The following RALA variants were observed in gnomAD, a reference collection of about 807,000 sequenced individuals.
RALA encodes the protein RAS like proto-oncogene A.
RALA carries 5 observed loss-of-function variants against 24.0 expected under a neutral mutation model. The observed-to-expected ratio is 0.21, with a 90% CI of 0.11 to 0.44. The LOEUF (loss-of-function observed/expected upper bound fraction) is 0.44. Among genes scored for constraint, RALA ranks in the 20% least tolerant of loss-of-function variants. RALA has a pLI of 0.99. For missense variants in RALA, 95 were observed against 241.2 expected, an observed-to-expected ratio of 0.39 and a Z score of 4.01; for synonymous variants, 77 against 83.8, an observed-to-expected ratio of 0.92 and a Z score of 0.44.
rs556085811 is a variant in RALA, at chr7:39,691,072, TG to T, written c.323+485del. Among the ~76,000 whole-genome samples the T allele has an allele frequency of 3.2e-3, 487 of 152,310 alleles. 3 individuals carry two copies. Among genetic ancestry groups the T allele is most frequent in the African/African-American group, 0.011 (474 of 41,572 alleles). ...TTTTTTGTTTCTTTTTCTTATTACA[TG>T]GGAACCTTCAGAATGAATGAATTTT... On this transcript the variant is annotated intron_variant, in intron 3 of 4. Coordinates refer to ENST00000005257, the MANE Select transcript of RALA (RefSeq NM_005402.4).
At chr7:39,638,324 T>G (rs1202278947) in intron 1 of RALA, among the ~76,000 whole-genome samples, 1 of 152,212 alleles carries the variant, frequency 6.6e-6, no homozygotes, top group East Asian at 1.9e-4. Flanking sequence ...GGGATCTTCA[T>G]AAATTTGCCC....
At chr7:39,689,744 T>G (rs1030352670) in intron 2 of RALA, among the ~76,000 whole-genome samples, 4 of 152,200 alleles carry the variant, frequency 2.6e-5, no homozygotes, top group Non-Finnish European at 4.4e-5. Context: ...TAGTAAGGCC[T>G]TGTCTGCGTA....
chr7:39,674,047 AAATAAATAAATAAATAAATAAAT>A (rs1562618715), intron 1 of RALA, among the ~76,000 whole-genome samples: 21 of 147,372 alleles, frequency 1.4e-4, no homozygotes, highest in Admixed American at 1.1e-3. Context: ...CACTGTAAAT[AAATAAATAAATAAATAAATAAAT>A]AAATAAATAA....
chr7:39,656,338 A>G (rs1201706273), intron 1 of RALA, among the ~76,000 whole-genome samples: 4 of 152,230 alleles, frequency 2.6e-5, no homozygotes, highest in African/African-American at 9.6e-5. Flanking sequence ...CTATTTCTCA[A>G]TTTAAAATCC....
intron 1 of RALA, among the ~76,000 whole-genome samples, chr7:39,678,116 C>T (rs1207002727): frequency 2.7e-5 from 4 of 150,100 alleles, no homozygotes; most frequent in Non-Finnish European, 4.4e-5. Flanking sequence ...GTGGGTGCAG[C>T]GCACCAGCAT....
intron 1 of RALA, among the ~76,000 whole-genome samples, chr7:39,674,052 A>AC (rs1562618722): frequency 1.8e-5 from 2 of 112,078 alleles, no homozygotes; most frequent in African/African-American, 5.9e-5. Context: ...TAAATAAATA[A>AC]ATAAATAAAT....
At chr7:39,670,891 T>A (rs867886688) in intron 1 of RALA, among the ~76,000 whole-genome samples, 1 of 151,892 alleles carries the variant, frequency 6.6e-6, no homozygotes, top group Non-Finnish European at 1.5e-5. Context: ...TCAATATTGA[T>A]TTCCATCATT....
At chr7:39,657,179 T>C (rs1792113810) in intron 1 of RALA, among the ~76,000 whole-genome samples, 1 of 152,132 alleles carries the variant, frequency 6.6e-6, no homozygotes, top group Non-Finnish European at 1.5e-5. Flanking sequence ...TTGGCCAGGC[T>C]GGTCTTGAAC....
At chr7:39,690,273 C>T (rs1201743876) in intron 2 of RALA, 109 bp from the exon 3 acceptor site, 3 of 874,586 alleles carry the variant, frequency 3.4e-6, no homozygotes, top group African/African-American at 3.4e-5. Context: ...AAAGGGTATA[C>T]AGAACTCTTC....
In RALA at chr7:39,623,842, C is replaced by T. The variant is rs552975934; in HGVS notation, c.-38+17C>T. 4 of 151,816 alleles carry T rather than the reference C, an allele frequency of 2.6e-5. No individual in the cohort carries two copies. The highest frequency in any genetic ancestry group is 4.8e-5 in the African/African-American group (2 of 41,366). The allele number at this position is 151,816 out of a possible 1,614,324, so 9.4% of individuals were successfully genotyped here. A position where few individuals can be genotyped will look rare whatever the true frequency, so the allele number is the denominator to read the frequency against. On this transcript the variant is annotated intron_variant, in intron 1 of 4. Transcript: ENST00000005257. The surrounding 1 kb of genome is among the most constrained non-coding windows in gnomAD (Gnocchi z 4.9). ...GCGGTGCAGGTGAGCGATGCCCGCT[C>T]GGGCCGCCCGGGGAGGGACTGGGGC...
intron 1 of RALA, among the ~76,000 whole-genome samples, chr7:39,656,363 G>T (rs2115982458): frequency 6.6e-6 from 1 of 152,232 alleles, no homozygotes; most frequent in East Asian, 1.9e-4. Context: ...GCATGTAAGA[G>T]CATTAGCATT....
intron 1 of RALA, among the ~76,000 whole-genome samples, chr7:39,674,819 C>CTTTTT (rs11452061): frequency 3.6e-4 from 35 of 96,680 alleles, no homozygotes; most frequent in East Asian, 1.0e-3. Flanking sequence ...TAATTTTATG[C>CTTTTT]TTTTTTTTTT....
At chr7:39,683,218 A>G (rs1300307048) in intron 1 of RALA, among the ~76,000 whole-genome samples, 1 of 152,322 alleles carries the variant, frequency 6.6e-6, no homozygotes, top group Non-Finnish European at 1.5e-5. Context: ...TGTTATAGCA[A>G]CAGGAAACAG....
intron 4 of RALA, among the ~76,000 whole-genome samples, chr7:39,702,755 AC>A (rs1310245145): frequency 6.6e-6 from 1 of 152,266 alleles, no homozygotes; most frequent in African/African-American, 2.4e-5. Context: ...TAAGCCAGGA[AC>A]AGGCAGTTAA....
intron 4 of RALA, among the ~76,000 whole-genome samples, chr7:39,699,137 T>TTTTTTA (rs1163470099): frequency 6.4e-5 from 8 of 124,766 alleles, no homozygotes; most frequent in Admixed American, 3.1e-4. Flanking sequence ...TTTTTTTTTT[T>TTTTTTA]TTTTTTTTTT....
At chr7:39,672,649 TAAA>T (rs35948897) in intron 1 of RALA, among the ~76,000 whole-genome samples, 8 of 141,534 alleles carry the variant, frequency 5.7e-5, no homozygotes, top group East Asian at 4.1e-4. Context: ...TATTCAGTCG[TAAA>T]AAAAAAAAAA....
At chr7:39,684,733 A>G (rs1401916903) in intron 1 of RALA, among the ~76,000 whole-genome samples, 8 of 152,002 alleles carry the variant, frequency 5.3e-5, no homozygotes, top group Non-Finnish European at 1.0e-4. Context: ...AAAAAAGAAA[A>G]AAAAAAGTTG....
intron 1 of RALA, among the ~76,000 whole-genome samples, chr7:39,663,404 C>T (rs1792228855): frequency 6.6e-6 from 1 of 152,096 alleles, no homozygotes; most frequent in Admixed American, 6.5e-5. Flanking sequence ...GTGAGCAGTT[C>T]ATCTCTCCAG....
chr7:39,676,821 A>T (rs566218572), intron 1 of RALA, among the ~76,000 whole-genome samples: 24 of 152,286 alleles, frequency 1.6e-4, no homozygotes, highest in African/African-American at 5.5e-4. Context: ...GAGAGTTTAG[A>T]GTCTGGATTG....
Sources: allele counts gnomAD v4.1 joint callset (sites outside exome capture counted in the v4.1 genomes callset), GRCh38; gene constraint gnomAD v4.1.1; non-coding constraint Gnocchi (gnomAD v3.1); transcripts MANE v1.5; gene names NCBI Gene and HGNC (gene_info 2026-07-23, HGNC 2026-07-21).